Variants in B3GAT2 observed in about 807,000 individuals in gnomAD.
B3GAT2 encodes galactosylgalactosylxylosylprotein 3-beta-glucuronosyltransferase 2.
B3GAT2 carries 26 observed loss-of-function variants against 27.8 expected under a neutral mutation model. The ratio of observed to expected loss-of-function variants is 0.93; its 90% confidence interval spans 0.68 to 1.30. The LOEUF (loss-of-function observed/expected upper bound fraction) is 1.30, where lower values mean the gene tolerates loss of function less well. Among genes scored for constraint, B3GAT2 ranks in the 50% most tolerant of loss-of-function variants. The probability of loss-of-function intolerance (pLI) is 0.00; values close to 1 mark genes in which losing one functional copy is unlikely to be tolerated. For synonymous variants in B3GAT2, 218 were observed against 195.1 expected (o/e 1.12, Z -0.98); for missense variants, 458 against 459.0 (o/e 1.00, Z 0.02).
At chr6:70,887,153 T>A (rs906959851) in intron 2 of B3GAT2, among the ~76,000 whole-genome samples, 1 of 152,240 alleles carries the variant, frequency 6.6e-6, no homozygotes, top group Non-Finnish European at 1.5e-5. Flanking sequence ...CTTGCAGTAT[T>A]TATATTCATG....
intron 1 of B3GAT2, among the ~76,000 whole-genome samples, chr6:70,922,851 A>G (rs1306087735): frequency 1.3e-5 from 2 of 152,202 alleles, no homozygotes; most frequent in African/African-American, 4.8e-5. Flanking sequence ...ACAATAGAGA[A>G]AAAGCAAAGT....
At chr6:70,953,516 C>T (rs1765606250) in intron 1 of B3GAT2, among the ~76,000 whole-genome samples, 1 of 152,160 alleles carries the variant, frequency 6.6e-6, no homozygotes, top group Admixed American at 6.5e-5. Flanking sequence ...TGTCCAAAAA[C>T]AATGCTGGTG....
chr6:70,906,987 T>A (rs1772612478), intron 1 of B3GAT2, among the ~76,000 whole-genome samples: 1 of 152,204 alleles, frequency 6.6e-6, no homozygotes, highest in Admixed American at 6.5e-5. Flanking sequence ...TTACTGAGAA[T>A]GGTGCAGGAA....
intron 1 of B3GAT2, among the ~76,000 whole-genome samples, chr6:70,934,704 G>A (rs1211191758): frequency 6.6e-6 from 1 of 152,150 alleles, no homozygotes; most frequent in African/African-American, 2.4e-5. Flanking sequence ...AAACACTGCT[G>A]TAAGAAAATG....
At chr6:70,875,099 TCTCA>T (rs1407469222) in intron 2 of B3GAT2, among the ~76,000 whole-genome samples, 2 of 152,144 alleles carry the variant, frequency 1.3e-5, no homozygotes, top group African/African-American at 2.4e-5. Flanking sequence ...TTGCCAGTGT[TCTCA>T]CTGTTTTTAT....
At chr6:70,937,499 C>G (rs554090712) in intron 1 of B3GAT2, among the ~76,000 whole-genome samples, 47 of 152,178 alleles carry the variant, frequency 3.1e-4, no homozygotes, top group African/African-American at 1.1e-3. Flanking sequence ...TGCAAAAATC[C>G]TCAATAAAAT....
intron 1 of B3GAT2, among the ~76,000 whole-genome samples, chr6:70,922,817 A>C (rs1164489417): frequency 2.0e-5 from 3 of 152,172 alleles, no homozygotes; most frequent in African/African-American, 7.2e-5. Context: ...TAAAATTGAG[A>C]ATAAAAAAAT....
At position 70,920,115 on chromosome 6, in the gene B3GAT2, A is replaced by G. The variant is rs113765091; in HGVS notation, c.592-25843T>C. ...CTGTGAGCATAGAACCGCTTACTCA[A>G]GCCTCAGCAATGGTGGACGCCGCTC... is the stretch of plus-strand genomic sequence containing the variant. On this transcript the variant is annotated intron_variant, in intron 1 of 3. Coordinates refer to ENST00000230053, the MANE Select transcript of B3GAT2 (RefSeq NM_080742.3). Among the ~76,000 whole-genome samples, 1,416 of 152,248 alleles carry G rather than the reference A, an allele frequency of 9.3e-3. 12 individuals carry two copies. The highest frequency in any genetic ancestry group is 0.048 in the Middle Eastern group (14 of 294).
rs140469459 is a variant in B3GAT2, at chr6:70,886,581, C to T, written c.736+7547G>A. ...ACCCGTCTCCCCACTTCCCCTTCAG[C>T]CCTGAAAGGCCTCTGCAGAGCCCTC... is the stretch of plus-strand genomic sequence containing the variant. On this transcript the variant is annotated intron_variant, in intron 2 of 3. Transcript: ENST00000230053. 2.6e-5 allele frequency among the ~76,000 whole-genome samples: 4 copies of T among 152,214 alleles called. No homozygotes were observed. In the East Asian group the frequency reaches 7.8e-4, roughly 30 times the overall value.
chr6:70,905,347 C>G (rs1471377821), intron 1 of B3GAT2, among the ~76,000 whole-genome samples: 1 of 152,128 alleles, frequency 6.6e-6, no homozygotes. Flanking sequence ...TTCACTATCC[C>G]TTGCATAGAT....
chr6:70,888,709 T>C (rs978675875), intron 2 of B3GAT2, among the ~76,000 whole-genome samples: 2 of 152,110 alleles, frequency 1.3e-5, no homozygotes, highest in Non-Finnish European at 2.9e-5. Context: ...AAGAAAAACT[T>C]CTCATCTTAG....
intron 2 of B3GAT2, among the ~76,000 whole-genome samples, chr6:70,884,395 A>G (rs1031701932): frequency 2.4e-4 from 37 of 152,212 alleles, no homozygotes; most frequent in African/African-American, 8.9e-4. Flanking sequence ...CTAGAAAAGG[A>G]AAACATGTTA....
intron 2 of B3GAT2, among the ~76,000 whole-genome samples, chr6:70,890,885 C>A (rs188513989): frequency 2.0e-5 from 3 of 152,342 alleles, no homozygotes; most frequent in Admixed American, 2.0e-4. Context: ...CGGGCCACAT[C>A]CTAGAATTAA....
chr6:70,879,776 T>C (rs1284973142), intron 2 of B3GAT2, among the ~76,000 whole-genome samples: 3 of 151,656 alleles, frequency 2.0e-5, no homozygotes, highest in African/African-American at 7.3e-5. Context: ...GGCAGGTGGG[T>C]TGAGGAAAGA....
chr6:70,952,879 A>C (rs1471015430), intron 1 of B3GAT2, among the ~76,000 whole-genome samples: 1 of 152,234 alleles, frequency 6.6e-6, no homozygotes, highest in Non-Finnish European at 1.5e-5. Flanking sequence ...ATGACAAAGC[A>C]CCATTCCAGT....
At chr6:70,955,167 T>G in intron 1 of B3GAT2, among the ~76,000 whole-genome samples, 1 of 131,626 alleles carries the variant, frequency 7.6e-6, no homozygotes. Flanking sequence ...CCAGAAAGGG[T>G]TTTCTTGCAA....
At chr6:70,953,328 G>C (rs922271927) in intron 1 of B3GAT2, among the ~76,000 whole-genome samples, 1 of 152,160 alleles carries the variant, frequency 6.6e-6, no homozygotes, top group Non-Finnish European at 1.5e-5. Context: ...GTGTATGGTA[G>C]GCTGTCTCAC....
At chr6:70,920,270 C>A (rs1231904340) in intron 1 of B3GAT2, among the ~76,000 whole-genome samples, 2 of 152,196 alleles carry the variant, frequency 1.3e-5, no homozygotes, top group Non-Finnish European at 2.9e-5. Context: ...GTTGCGAATA[C>A]CGTGGGAAAA....
rs2150017694 is a variant in B3GAT2, at chr6:70,860,144, A to T, written c.*1519T>A. On this transcript the variant is annotated 3_prime_UTR_variant, in exon 4 of 4. Transcript: ENST00000230053. ...AATGACCAACTGTGTGGCTAAAGAA[A>T]CAAGAATTAAAAGTGAAGTAAGCCT... 6.6e-6 allele frequency: 10 copies of T among 1,512,554 alleles called. No individual in the cohort carries two copies. In the South Asian group the frequency reaches 1.1e-4, roughly 16 times the overall value. 93.7% of individuals were successfully genotyped at this position (1,512,554 alleles called of 1,614,324 possible). A position where few individuals can be genotyped will look rare whatever the true frequency, so the allele number is the denominator to read the frequency against.
Sources: gnomAD v4.1 joint callset for allele counts (sites outside exome capture counted in the v4.1 genomes callset) on GRCh38, gnomAD v4.1.1 for gene constraint, MANE v1.5 for transcripts, NCBI Gene and HGNC (gene_info 2026-07-23, HGNC 2026-07-21) for gene names.